The following STIM1 variants were observed in gnomAD, a reference collection of about 807,000 sequenced individuals.
STIM1 encodes stromal interaction molecule 1.
STIM1 carries 25 observed loss-of-function variants against 74.7 expected under a neutral mutation model. The ratio of observed to expected loss-of-function variants is 0.33; its 90% CI spans 0.24 to 0.47. STIM1 has a LOEUF of 0.47. Ranked by LOEUF, STIM1 falls within the 20% of genes least tolerant of loss-of-function variation. The pLI is 1.00. For missense variants in STIM1, 728 were observed against 920.8 expected (o/e 0.79, Z 2.71); for synonymous variants, 328 against 348.8 (o/e 0.94, Z 0.66).
At chr11:4,025,705 C>T (rs2093993029) in intron 3 of STIM1, among the ~76,000 whole-genome samples, 3 of 152,090 alleles carry the variant, frequency 2.0e-5, no homozygotes, top group Admixed American at 2.0e-4. Context: ...AGTGAGAGGG[C>T]AGAAACAGAG....
At chr11:3,925,394 A>AAAAC (rs757736397) in intron 1 of STIM1, among the ~76,000 whole-genome samples, 4 of 152,368 alleles carry the variant, frequency 2.6e-5, no homozygotes, top group Admixed American at 6.5e-5. Context: ...ACTCCATCTC[A>AAAAC]AAACAAACAA....
At chr11:4,007,322 T>A (rs1379513114) in intron 2 of STIM1, among the ~76,000 whole-genome samples, 1 of 152,216 alleles carries the variant, frequency 6.6e-6, no homozygotes, top group Non-Finnish European at 1.5e-5. Flanking sequence ...TTTGGTGGGA[T>A]CCAAAAGCTG....
At chr11:4,050,219 G>A (rs548873437) in intron 3 of STIM1, among the ~76,000 whole-genome samples, 1 of 152,292 alleles carries the variant, frequency 6.6e-6, no homozygotes, top group African/African-American at 2.4e-5. Flanking sequence ...GGTTTAGCTT[G>A]GGTTACATAC....
At chr11:3,881,845 G>C (rs575102524) in intron 1 of STIM1, among the ~76,000 whole-genome samples, 1 of 151,332 alleles carries the variant, frequency 6.6e-6, no homozygotes, top group Non-Finnish European at 1.5e-5. Context: ...GCTAATTTTT[G>C]TATTTTTACT....
chr11:3,914,078 T>C (rs1235537001), intron 1 of STIM1, among the ~76,000 whole-genome samples: 2 of 152,196 alleles, frequency 1.3e-5, no homozygotes, highest in Non-Finnish European at 2.9e-5. Flanking sequence ...TTTTAAAACA[T>C]TTTTCATCAT....
In STIM1 at chr11:4,085,581, C is replaced by T. The variant is rs182574076; in HGVS notation, c.1567+816C>T. ...CATTAGCATAAAAAGCATCCATAGT[C>T]CCACCATATTTGAGCACCTTCTCTA... On this transcript the variant is annotated intron_variant, in intron 11 of 12. Transcript: ENST00000526596. Among the ~76,000 whole-genome samples the T allele has an allele frequency of 4.2e-3, 637 of 152,322 alleles. 2 individuals are homozygous for T. The highest frequency in any genetic ancestry group is 0.014 in the African/African-American group (575 of 41,568).
intron 1 of STIM1, among the ~76,000 whole-genome samples, chr11:3,856,645 C>T (rs1469510730): frequency 6.6e-6 from 1 of 152,122 alleles, no homozygotes; most frequent in African/African-American, 2.4e-5. Flanking sequence ...TTTTTGTTGG[C>T]AGTAAGAAGA....
intron 2 of STIM1, among the ~76,000 whole-genome samples, chr11:3,999,076 TG>T (rs2093688099): frequency 6.6e-6 from 1 of 152,230 alleles, no homozygotes; most frequent in Non-Finnish European, 1.5e-5. Context: ...CTGGGCATGG[TG>T]GCTTATGCCT....
At chr11:3,868,489 AC>A (rs1018698325) in intron 1 of STIM1, among the ~76,000 whole-genome samples, 29 of 151,914 alleles carry the variant, frequency 1.9e-4, no homozygotes, top group African/African-American at 6.8e-4. Context: ...TTGTTTAATA[AC>A]TTGGTGTGGG....
At chr11:3,976,371 G>C (rs1429897023) in intron 2 of STIM1, among the ~76,000 whole-genome samples, 1 of 152,162 alleles carries the variant, frequency 6.6e-6, no homozygotes, top group East Asian at 1.9e-4. Context: ...TGGTTATCAG[G>C]GGTTATTAGT....
intron 11 of STIM1, among the ~76,000 whole-genome samples, chr11:4,085,691 C>G (rs1758024080): frequency 6.6e-6 from 1 of 152,224 alleles, no homozygotes; most frequent in East Asian, 1.9e-4. Flanking sequence ...GTTTCAGGTG[C>G]CTTAAAGACA....
chr11:4,017,176 C>T (rs1054431662), intron 2 of STIM1, among the ~76,000 whole-genome samples: 16 of 152,232 alleles, frequency 1.1e-4, no homozygotes, highest in African/African-American at 3.9e-4. Context: ...GAGCTGTAGA[C>T]CGGAGCTGTT....
At chr11:4,005,844 C>T (rs970571999) in intron 2 of STIM1, among the ~76,000 whole-genome samples, 4 of 152,140 alleles carry the variant, frequency 2.6e-5, no homozygotes, top group African/African-American at 9.7e-5. Context: ...CCTTGAGCAA[C>T]AGCTTCTGAT....
At position 3,937,004 on chromosome 11, in the gene STIM1, A is replaced by G. The variant is rs146777419; in HGVS notation, c.140-30548A>G. The stretch of plus-strand genomic sequence containing the variant: ...ACAAATAAGATCAGATCTTTTTTCA[A>G]TATTAAAATTAATCTCTGCAGCTGG... On this transcript the variant is annotated intron_variant, in intron 1 of 12. Coordinates refer to ENST00000526596, the MANE Select transcript of STIM1 (RefSeq NM_001382567.1). 3.3e-5 allele frequency among the ~76,000 whole-genome samples: 5 copies of G among 152,198 alleles called. No individual in the cohort carries two copies. In the East Asian group the frequency reaches 5.8e-4, roughly 18 times the overall value.
intron 2 of STIM1, among the ~76,000 whole-genome samples, chr11:3,992,002 T>G (rs2093618146): frequency 6.9e-6 from 1 of 143,900 alleles, no homozygotes; most frequent in South Asian, 2.3e-4. Context: ...CAAACTGCTT[T>G]CCACAGTGGC....
rs867541146 is a variant in STIM1, at chr11:4,060,094, C to T, written c.613+698C>T. On this transcript the variant is annotated intron_variant, in intron 5 of 12. Coordinates refer to ENST00000526596, the MANE Select transcript of STIM1 (RefSeq NM_001382567.1). ...TTTTCACTGAAGCAGTAGACACACTCAGGCCTAAGAAAGGGTGGTCTCTTC... is the reference window on the plus strand; with the variant it reads ...TTTTCACTGAAGCAGTAGACACACTTAGGCCTAAGAAAGGGTGGTCTCTTC... 7.9e-5 allele frequency among the ~76,000 whole-genome samples: 12 copies of T among 152,318 alleles called. No individual in the cohort carries two copies. In the South Asian group the frequency reaches 2.1e-3, roughly 26 times the overall value.
At chr11:4,031,913 T>A (rs973981666) in intron 3 of STIM1, among the ~76,000 whole-genome samples, 4 of 152,262 alleles carry the variant, frequency 2.6e-5, no homozygotes, top group African/African-American at 7.2e-5. Flanking sequence ...TAACAGATCA[T>A]GCTTTTGGTA....
intron 2 of STIM1, among the ~76,000 whole-genome samples, chr11:4,000,838 A>C (rs1407190107): frequency 6.6e-6 from 1 of 152,128 alleles, no homozygotes; most frequent in Admixed American, 6.5e-5. Context: ...AAAACTTTGA[A>C]AAAAATTTAG....
At chr11:3,989,566 G>A (rs1423594797) in intron 2 of STIM1, 17 of 525,184 alleles carry the variant, frequency 3.2e-5, no homozygotes, top group Non-Finnish European at 5.0e-5. Flanking sequence ...CCCGCCGCCC[G>A]AGCTGCTGAG....
Sources: allele counts gnomAD v4.1 joint callset (sites outside exome capture counted in the v4.1 genomes callset), GRCh38; gene constraint gnomAD v4.1.1; transcripts MANE v1.5; gene names NCBI Gene and HGNC (gene_info 2026-07-23, HGNC 2026-07-21).